Variants in ESRRG observed in about 807,000 individuals in gnomAD.
The protein encoded by ESRRG is estrogen-related receptor gamma.
ESRRG carries 13 observed loss-of-function variants against 44.0 expected under a neutral mutation model. The ratio of observed to expected loss-of-function variants is 0.30; its 90% CI spans 0.19 to 0.47. ESRRG has a LOEUF of 0.47. ESRRG is among the 20% of genes least tolerant of loss of function. The probability of loss-of-function intolerance (pLI) is 1.00; values close to 1 mark genes in which losing one functional copy is unlikely to be tolerated. For missense variants in ESRRG, 395 were observed against 580.6 expected (o/e 0.68, Z 3.29); for synonymous variants, 215 against 214.6 (o/e 1.00, Z -0.02).
At chr1:216,652,707 C>G (rs1006920818) in intron 2 of ESRRG, among the ~76,000 whole-genome samples, 1 of 152,020 alleles carries the variant, frequency 6.6e-6, no homozygotes, top group South Asian at 2.1e-4. Flanking sequence ...TCAAAGAAAC[C>G]AGGGTGGCCG....
At chr1:216,913,949 G>A (rs551732796) in intron 2 of ESRRG, among the ~76,000 whole-genome samples, 8 of 152,186 alleles carry the variant, frequency 5.3e-5, no homozygotes, top group South Asian at 4.1e-4. Context: ...AAATCAATGC[G>A]TTTTATTTCT....
Position 216,777,347 on chromosome 1 carries a change from G to T in ESRRG, c.-13-99856C>A, listed in dbSNP as rs910720594. ...TCCCATTCCCAACAGTGTCCCCGCAGTTGAGCTGTCAGCCAGCGCAACACG... is the reference window on the plus strand; with the variant it reads ...TCCCATTCCCAACAGTGTCCCCGCATTTGAGCTGTCAGCCAGCGCAACACG... On this transcript the variant is annotated intron_variant, in intron 2 of 7. Transcript: ENST00000359162. Among the ~76,000 whole-genome samples the T allele has an allele frequency of 3.3e-5, 5 of 152,118 alleles. 1 individual carries two copies. Among genetic ancestry groups the T allele is most frequent in the Non-Finnish European group, 7.4e-5 (5 of 68,010 alleles).
At chr1:216,845,130 T>C (rs1264832100) in intron 2 of ESRRG, among the ~76,000 whole-genome samples, 1 of 152,142 alleles carries the variant, frequency 6.6e-6, no homozygotes, top group East Asian at 1.9e-4. Context: ...TACGTACATA[T>C]GTTTGTATGT....
At chr1:217,015,734 T>TC (rs2079265141) in intron 1 of ESRRG, among the ~76,000 whole-genome samples, 1 of 150,156 alleles carries the variant, frequency 6.7e-6, no homozygotes, top group Non-Finnish European at 1.5e-5. Context: ...CAGCTAGATT[T>TC]TTTTTTTTTT....
intron 2 of ESRRG, among the ~76,000 whole-genome samples, chr1:216,757,676 T>A (rs535608021): frequency 6.6e-6 from 1 of 151,988 alleles, no homozygotes. Flanking sequence ...ATTTACAATC[T>A]AACAACCTTT....
intron 6 of ESRRG, among the ~76,000 whole-genome samples, chr1:216,514,976 AC>A (rs2043786993): frequency 6.6e-6 from 1 of 151,778 alleles, no homozygotes; most frequent in Non-Finnish European, 1.5e-5. Flanking sequence ...ACACACACAC[AC>A]ACACACACAA....
intron 1 of ESRRG, among the ~76,000 whole-genome samples, chr1:217,130,045 C>T (rs1447050349): frequency 6.6e-6 from 1 of 152,114 alleles, no homozygotes; most frequent in Non-Finnish European, 1.5e-5. Flanking sequence ...CTTCTTCTTC[C>T]TATACAAAAT....
intron 2 of ESRRG, among the ~76,000 whole-genome samples, chr1:216,789,271 A>G (rs2094234827): frequency 6.6e-6 from 1 of 152,148 alleles, no homozygotes; most frequent in East Asian, 1.9e-4. Context: ...AGAAATTGTC[A>G]TAGCCACCCC....
chr1:217,099,015 A>G (rs1183961880), intron 1 of ESRRG, among the ~76,000 whole-genome samples: 2 of 152,092 alleles, frequency 1.3e-5, no homozygotes, highest in Admixed American at 6.6e-5. Flanking sequence ...ACACCTTCTA[A>G]TACACTTCAT....
At chr1:216,837,916 A>G (rs1378922987) in intron 2 of ESRRG, among the ~76,000 whole-genome samples, 1 of 152,194 alleles carries the variant, frequency 6.6e-6, no homozygotes, top group Admixed American at 6.5e-5. Context: ...TGTTGTTCCA[A>G]TAGAGAGAGT....
intron 2 of ESRRG, among the ~76,000 whole-genome samples, chr1:216,873,221 T>TG (rs1455385497): frequency 1.4e-5 from 2 of 147,670 alleles, no homozygotes; most frequent in Admixed American, 1.3e-4. Flanking sequence ...TTTTTTTTTT[T>TG]TTTTTTTTTG....
chr1:216,757,398 A>C (rs2092515050), intron 2 of ESRRG, among the ~76,000 whole-genome samples: 1 of 152,094 alleles, frequency 6.6e-6, no homozygotes, highest in African/African-American at 2.4e-5. Flanking sequence ...CCATCTCTAT[A>C]ATAAGCACTT....
intron 1 of ESRRG, among the ~76,000 whole-genome samples, chr1:217,099,687 C>A (rs965518352): frequency 6.6e-6 from 1 of 152,186 alleles, no homozygotes; most frequent in Non-Finnish European, 1.5e-5. Flanking sequence ...GAAACATTCT[C>A]TAGAGTTCTA....
At chr1:216,727,804 G>T (rs942442687), upstream of ESRRG, among the ~76,000 whole-genome samples, 1 of 151,772 alleles carries the variant, frequency 6.6e-6, no homozygotes, top group African/African-American at 2.4e-5. Flanking sequence ...AAATTATGGA[G>T]CCTATATATA....
At chr1:216,729,822 C>T (rs745747764) in intron 2 of ESRRG, among the ~76,000 whole-genome samples, 13 of 152,156 alleles carry the variant, frequency 8.5e-5, no homozygotes, top group Non-Finnish European at 1.6e-4. Flanking sequence ...CTATCCCAAG[C>T]ACAAGCTCAT....
chr1:216,650,934 C>T, intron 3 of ESRRG, 39 bp downstream of exon 3: 1 of 1,370,486 alleles, frequency 7.3e-7, no homozygotes, highest in Non-Finnish European at 1.0e-6. Context: ...ATCCCCACAG[C>T]AAAATCAAAA....
intron 2 of ESRRG, among the ~76,000 whole-genome samples, chr1:216,665,978 T>G (rs1335307623): frequency 2.6e-5 from 4 of 152,130 alleles, no homozygotes; most frequent in African/African-American, 9.7e-5. Flanking sequence ...TAGTAGTATA[T>G]CAGGAAAACA....
intron 1 of ESRRG, among the ~76,000 whole-genome samples, chr1:216,972,330 C>T (rs1296811804): frequency 6.6e-6 from 1 of 152,154 alleles, no homozygotes. Context: ...ACTCAGGAAA[C>T]ATCCCTGAAC....
At chr1:216,972,938 T>C (rs538772811) in intron 1 of ESRRG, among the ~76,000 whole-genome samples, 4 of 152,320 alleles carry the variant, frequency 2.6e-5, no homozygotes, top group Admixed American at 6.5e-5. Context: ...ATTTTCATTC[T>C]CTTTTACCCT....
Sources: allele counts gnomAD v4.1 joint callset (sites outside exome capture counted in the v4.1 genomes callset), GRCh38; gene constraint gnomAD v4.1.1; transcripts MANE v1.5; gene names NCBI Gene and HGNC (gene_info 2026-07-23, HGNC 2026-07-21).